The following APBB2 variants were observed in gnomAD, a reference collection of about 807,000 sequenced individuals.
APBB2 encodes Fe65-like 1.
A neutral mutation model predicts 82.5 loss-of-function variants in APBB2; 38 were observed. The ratio of observed to expected loss-of-function variants is 0.46; its 90% confidence interval spans 0.36 to 0.60. The LOEUF (loss-of-function observed/expected upper bound fraction) is 0.60, where lower values mean the gene tolerates loss of function less well. Among genes scored for constraint, APBB2 ranks in the 20% least tolerant of loss-of-function variants. The pLI is 0.00. For missense variants in APBB2, 772 were observed against 972.3 expected, an observed-to-expected ratio of 0.79 and a Z score of 2.74; for synonymous variants, 341 against 368.2, an observed-to-expected ratio of 0.93 and a Z score of 0.85.
Position 40,849,725 on chromosome 4 carries a change from C to CTTTT in APBB2, c.1530-19152_1530-19149dup, listed in dbSNP as rs758207803. Among the ~76,000 whole-genome samples the CTTTT allele has an allele frequency of 2.7e-3, 329 of 123,220 alleles. 9 individuals carry two copies. The highest frequency in any genetic ancestry group is 8.1e-3 in the African/African-American group (265 of 32,678). 80.8% of individuals were successfully genotyped at this position (123,220 alleles called of 152,430 possible). A position where few individuals can be genotyped will look rare whatever the true frequency, so the allele number is the denominator to read the frequency against. ...GTACTCTTCCTGTTTACTAAAGTTA[C>CTTTT]TTTTTTTTTTTTTTTTTTTTGAGAC... On this transcript the variant is annotated intron_variant, in intron 12 of 17. Coordinates refer to ENST00000508593, the MANE Select transcript of APBB2 (RefSeq NM_004307.2).
At chr4:40,970,851 C>A (rs898057532) in intron 6 of APBB2, among the ~76,000 whole-genome samples, 5 of 152,142 alleles carry the variant, frequency 3.3e-5, no homozygotes, top group African/African-American at 1.2e-4. Context: ...CAAACCATCA[C>A]CTTAAGTCCA....
intron 6 of APBB2, among the ~76,000 whole-genome samples, chr4:40,980,909 C>T (rs551947675): frequency 6.6e-6 from 1 of 152,294 alleles, no homozygotes; most frequent in Admixed American, 6.5e-5. Context: ...GAACCACCTG[C>T]ATTAGATTCA....
intron 10 of APBB2, among the ~76,000 whole-genome samples, chr4:40,906,464 C>CAAAAAAAAAAAAAAAAAA (rs5857755): frequency 1.5e-5 from 1 of 67,990 alleles, no homozygotes; most frequent in African/African-American, 6.5e-5. Context: ...AAACCTGTCT[C>CAAAAAAAAAAAAAAAAAA]AAAAAAAAAA....
chr4:40,890,598 CTGGGGTCTGTAA>C (rs1771722419), intron 11 of APBB2, 107 bp from the exon 12 acceptor site: 3 of 1,447,528 alleles, frequency 2.1e-6, no homozygotes, highest in Non-Finnish European at 2.8e-6. Context: ...AGAAGCCACC[CTGGGGTCTGTAA>C]TTTGTCTGCC....
intron 1 of APBB2, among the ~76,000 whole-genome samples, chr4:41,177,344 A>G (rs1047602787): frequency 6.6e-6 from 1 of 152,160 alleles, no homozygotes; most frequent in Non-Finnish European, 1.5e-5. Flanking sequence ...AAACAAAGGG[A>G]AAAAATGGGG....
chr4:41,140,147 G>A (rs942840889), intron 2 of APBB2, among the ~76,000 whole-genome samples: 4 of 152,276 alleles, frequency 2.6e-5, no homozygotes, highest in Admixed American at 1.3e-4. Context: ...AGCTGACTGA[G>A]GTTCTGGTGA....
rs1036871794 is a variant in APBB2, at chr4:40,934,664, A to G, written c.1143T>C (p.Ser381=). Residue 381 remains serine (S), a synonymous_variant, in exon 9 of 18, where the codon AGT becomes AGC. Transcript: ENST00000508593. ...LHAATVNPDP[S]LKEFEGATLR... is the part of the protein sequence containing the mutation. ...GGGTTGCTCCTTCAAACTCTTTTAAACTGGGGTCCGGGTTAACAGTGGCTG... is the reference window on the plus strand; with the variant it reads ...GGGTTGCTCCTTCAAACTCTTTTAAGCTGGGGTCCGGGTTAACAGTGGCTG... 19 of 1,614,028 alleles carry G rather than the reference A, an allele frequency of 1.2e-5. No individual in the cohort carries two copies. Among genetic ancestry groups the G allele is most frequent in the Admixed American group, 8.3e-5 (5 of 59,994 alleles).
rs1215925360 is a variant in APBB2 at position 41,013,883 on chromosome 4, G to T, written c.535C>A (p.Arg179=). The part of the protein sequence containing the change: ...ETSARELEQN[R]GNHHGTAEEK... The stretch of plus-strand genomic sequence containing the variant: ...TCCGCAGTCCCATGGTGATTGCCTC[G>T]GTTCTGCTCTAGTTCTCTGGCTGAG... The change falls in exon 6 of 18, where the codon CGA becomes AGA. Residue 179 remains arginine (R), a synonymous_variant. Transcript: ENST00000508593. 2 of 1,614,138 alleles carry T rather than the reference G, an allele frequency of 1.2e-6. No homozygotes were observed. Among genetic ancestry groups the T allele is most frequent in the Non-Finnish European group, 1.7e-6 (2 of 1,180,032 alleles).
chr4:41,126,446 G>A (rs1344579998), intron 2 of APBB2, among the ~76,000 whole-genome samples: 1 of 152,114 alleles, frequency 6.6e-6, no homozygotes, highest in African/African-American at 2.4e-5. Context: ...ATGAACAACA[G>A]ACAACAGCAG....
intron 1 of APBB2, among the ~76,000 whole-genome samples, chr4:41,147,740 C>G (rs1761188816): frequency 6.6e-6 from 1 of 152,040 alleles, no homozygotes; most frequent in Non-Finnish European, 1.5e-5. Flanking sequence ...CCACATGACT[C>G]AGACTTTTTT....
intron 12 of APBB2, chr4:40,880,637 A>T (rs921582402): frequency 2.0e-6 from 2 of 985,302 alleles, no homozygotes; most frequent in Admixed American, 6.2e-5. Flanking sequence ...AGATCACGGC[A>T]CTTTGAGGAT....
intron 2 of APBB2, among the ~76,000 whole-genome samples, chr4:41,106,830 A>C (rs1263992409): frequency 6.6e-6 from 1 of 152,132 alleles, no homozygotes; most frequent in Non-Finnish European, 1.5e-5. Context: ...TGGTTTCTAA[A>C]TACTTTTGCT....
intron 4 of APBB2, among the ~76,000 whole-genome samples, chr4:41,035,911 C>A (rs563917430): frequency 2.5e-4 from 38 of 152,256 alleles, no homozygotes; most frequent in Non-Finnish European, 3.5e-4. Context: ...GCGGCTCATG[C>A]ACACTGGGAG....
At chr4:41,037,890 G>T (rs1719866636) in intron 4 of APBB2, among the ~76,000 whole-genome samples, 1 of 152,136 alleles carries the variant, frequency 6.6e-6, no homozygotes, top group Non-Finnish European at 1.5e-5. Flanking sequence ...CTGCATGCTA[G>T]AAATTTTGTC....
chr4:41,004,836 C>CAAAAAAAAAAA (rs34941899), intron 6 of APBB2, among the ~76,000 whole-genome samples: 1 of 49,258 alleles, frequency 2.0e-5, no homozygotes, highest in Non-Finnish European at 3.4e-5. Context: ...GACCCCATCT[C>CAAAAAAAAAAA]AAAAAAAAAA....
intron 5 of APBB2, among the ~76,000 whole-genome samples, chr4:41,016,960 G>A (rs1394030098): frequency 1.3e-5 from 2 of 151,968 alleles, no homozygotes; most frequent in African/African-American, 4.8e-5. Flanking sequence ...CAAGTGGCAG[G>A]AGCATGCCTC....
intron 1 of APBB2, among the ~76,000 whole-genome samples, chr4:41,184,115 G>A (rs755978807): frequency 6.6e-6 from 1 of 152,046 alleles, no homozygotes; most frequent in Non-Finnish European, 1.5e-5. Context: ...GCTCCTTAGA[G>A]AATCTAAGGC....
At chr4:40,913,164 C>G (rs535998420) in intron 10 of APBB2, among the ~76,000 whole-genome samples, 3 of 152,098 alleles carry the variant, frequency 2.0e-5, no homozygotes, top group Admixed American at 6.5e-5. Flanking sequence ...AAGAAAGGAG[C>G]AGAGACAGCC....
At chr4:40,843,898 G>A (rs777587675) in intron 12 of APBB2, among the ~76,000 whole-genome samples, 2 of 152,184 alleles carry the variant, frequency 1.3e-5, no homozygotes, top group African/African-American at 2.4e-5. Flanking sequence ...TGCAGGACTC[G>A]AATTCTAGTC....
Sources: allele counts gnomAD v4.1 joint callset (sites outside exome capture counted in the v4.1 genomes callset), GRCh38; gene constraint gnomAD v4.1.1; transcripts MANE v1.5; gene names NCBI Gene and HGNC (gene_info 2026-07-23, HGNC 2026-07-21).